Variants in ARHGAP10 observed in about 807,000 individuals in gnomAD.
ARHGAP10 encodes rho GTPase-activating protein 10.
ARHGAP10 carries 87 observed loss-of-function variants against 108.6 expected under a neutral mutation model. That is an observed-to-expected ratio of 0.80 (90% CI 0.67 to 0.96). The LOEUF is 0.96. ARHGAP10 is among the 40% of genes least tolerant of loss of function. The pLI, the probability that ARHGAP10 is intolerant of heterozygous loss-of-function variation, is 0.00. For missense variants in ARHGAP10, 939 were observed against 954.5 expected, an observed-to-expected ratio of 0.98 and a Z score of 0.21; for synonymous variants, 347 against 341.1, an observed-to-expected ratio of 1.02 and a Z score of -0.19.
intron 18 of ARHGAP10, among the ~76,000 whole-genome samples, chr4:148,008,658 G>A (rs544261364): frequency 4.3e-4 from 66 of 152,220 alleles, no homozygotes; most frequent in African/African-American, 1.5e-3. Flanking sequence ...TGGGTTGGAT[G>A]TTTTTAATCT....
chr4:147,959,481 T>TA (rs1381859384), intron 16 of ARHGAP10, among the ~76,000 whole-genome samples: 8 of 152,166 alleles, frequency 5.3e-5, no homozygotes, highest in Non-Finnish European at 4.4e-5. Flanking sequence ...ACTCGTCATT[T>TA]ACATTAGGTA....
chr4:147,911,992 C>CAT (rs777868005), intron 12 of ARHGAP10, among the ~76,000 whole-genome samples: 3,124 of 116,698 alleles, frequency 0.027, 154 homozygotes, highest in African/African-American at 0.11. Context: ...TAAGAACATT[C>CAT]ACGTGTGTGT....
Position 148,037,299 on chromosome 4 carries a change from G to A in ARHGAP10, c.1868-9593G>A, listed in dbSNP as rs1046348682. Among the ~76,000 whole-genome samples, 4 of 152,216 alleles carry A rather than the reference G, an allele frequency of 2.6e-5. No homozygotes were observed. The South Asian group carries it at 6.2e-4, about 24-fold the overall frequency. The stretch of plus-strand genomic sequence containing the variant: ...TGCTGCCCCAGTAGTTTCAAAACAA[G>A]TGGATGTTATGATGTACTTCTAAGT... On this transcript the variant is annotated intron_variant, in intron 19 of 22. Transcript: ENST00000336498.
chr4:148,002,910 C>T (rs1208142004), intron 18 of ARHGAP10, among the ~76,000 whole-genome samples: 12 of 152,076 alleles, frequency 7.9e-5, no homozygotes, highest in East Asian at 1.9e-4. Context: ...GTGTCTCTAT[C>T]TCCTTCAATT....
chr4:148,054,164 A>G (rs1313880252), intron 20 of ARHGAP10, among the ~76,000 whole-genome samples: 4 of 152,242 alleles, frequency 2.6e-5, no homozygotes, highest in African/African-American at 4.8e-5. Flanking sequence ...ATATCTAAAT[A>G]AAGTAAGGAC....
At position 147,875,021 on chromosome 4, in the gene ARHGAP10, A is replaced by C. The variant is rs1407019959; in HGVS notation, c.703A>C (p.Thr235Pro). ...KMELQINIQN[T>P]RNRFEGTRSE... ...ATGTGTGTTTTTTAATCCATTTCAG[A>C]CACGGAATCGATTTGAAGGAACAAG... Residue 235 changes from threonine (T) to proline (P), a missense_variant and splice_region_variant, in exon 8 of 23, where the codon ACA becomes CCA. Transcript: ENST00000336498. 6.3e-7 allele frequency: 1 copy of C among 1,581,290 alleles called. No individual in the cohort carries two copies. The highest frequency in any genetic ancestry group is 2.3e-5 in the East Asian group (1 of 44,268).
At chr4:147,814,409 T>C (rs575023786) in intron 1 of ARHGAP10, among the ~76,000 whole-genome samples, 1 of 152,138 alleles carries the variant, frequency 6.6e-6, no homozygotes, top group Non-Finnish European at 1.5e-5. Flanking sequence ...AAGTTTCTCA[T>C]TTGTGCCGTG....
intron 18 of ARHGAP10, among the ~76,000 whole-genome samples, chr4:147,995,900 G>A (rs1295954843): frequency 6.6e-6 from 1 of 152,080 alleles, no homozygotes; most frequent in Non-Finnish European, 1.5e-5. Context: ...TGTATTTTTA[G>A]TAGAGATGGG....
At chr4:147,804,494 T>TATGGG (rs1731703858) in intron 1 of ARHGAP10, among the ~76,000 whole-genome samples, 1 of 152,206 alleles carries the variant, frequency 6.6e-6, no homozygotes, top group South Asian at 2.1e-4. Flanking sequence ...GTAGAATGAT[T>TATGGG]TCTATTCCTC....
intron 13 of ARHGAP10, among the ~76,000 whole-genome samples, chr4:147,921,470 G>A (rs898032454): frequency 2.0e-5 from 3 of 152,074 alleles, no homozygotes; most frequent in African/African-American, 7.2e-5. Flanking sequence ...TGCCTTTCGG[G>A]GACAGAAGAT....
At position 148,048,629 on chromosome 4, in the gene ARHGAP10, T is replaced by C. The variant is rs558478861; in HGVS notation, c.2027+1578T>C. On this transcript the variant is annotated intron_variant, in intron 20 of 22. Coordinates refer to ENST00000336498, the MANE Select transcript of ARHGAP10 (RefSeq NM_024605.4). ...CACTCGAGGTGGAATTTAGCATGTGTGTATGTTTTAGTGAAAACCAGATCT... is the reference window on the plus strand; with the variant it reads ...CACTCGAGGTGGAATTTAGCATGTGCGTATGTTTTAGTGAAAACCAGATCT... Among the ~76,000 whole-genome samples the C allele has an allele frequency of 5.3e-5, 8 of 152,320 alleles. No individual in the cohort carries two copies. In the South Asian group the frequency reaches 1.4e-3, roughly 28 times the overall value.
intron 14 of ARHGAP10, among the ~76,000 whole-genome samples, chr4:147,945,901 T>C (rs1738358545): frequency 6.7e-6 from 1 of 149,512 alleles, no homozygotes; most frequent in Non-Finnish European, 1.5e-5. Context: ...ACCAGCGGGC[T>C]CCCACCTCTC....
chr4:147,899,801 T>C lies in ARHGAP10; in HGVS notation c.1035-6837T>C, dbSNP rs143420076. Among the ~76,000 whole-genome samples the C allele has an allele frequency of 1.0e-3, 154 of 152,142 alleles. 3 individuals are homozygous for C. In the East Asian group the frequency reaches 0.025, roughly 25 times the overall value. On this transcript the variant is annotated intron_variant, in intron 10 of 22. Coordinates refer to ENST00000336498, the MANE Select transcript of ARHGAP10 (RefSeq NM_024605.4). ...GAGAAACTGATTACATTTCTATAAC[T>C]TTAAAAACTTTTTTTGGCTTCAGCA...
chr4:147,743,222 A>G (rs939635183), intron 1 of ARHGAP10, among the ~76,000 whole-genome samples: 8 of 151,836 alleles, frequency 5.3e-5, no homozygotes, highest in Admixed American at 3.9e-4. Context: ...TTTAGTGGAG[A>G]TGGGGTTTCA....
At chr4:147,816,879 G>T (rs1465553486) in intron 1 of ARHGAP10, among the ~76,000 whole-genome samples, 1 of 152,092 alleles carries the variant, frequency 6.6e-6, no homozygotes, top group Admixed American at 6.6e-5. Flanking sequence ...GGCATGAAGG[G>T]TACTAAATTC....
chr4:148,025,858 A>G (rs1296496712), intron 19 of ARHGAP10, among the ~76,000 whole-genome samples: 2 of 152,066 alleles, frequency 1.3e-5, no homozygotes, highest in African/African-American at 4.8e-5. Context: ...ATGTTAATCT[A>G]GTTTGTGTTA....
intron 20 of ARHGAP10, among the ~76,000 whole-genome samples, chr4:148,059,991 AGAGGG>A (rs1176901077): frequency 1.4e-5 from 2 of 140,864 alleles, no homozygotes; most frequent in African/African-American, 2.6e-5. Flanking sequence ...AGAGAGAGAG[AGAGGG>A]GAGAGAGAGG....
intron 1 of ARHGAP10, among the ~76,000 whole-genome samples, chr4:147,752,304 G>A (rs1415618665): frequency 6.6e-6 from 1 of 151,850 alleles, no homozygotes; most frequent in African/African-American, 2.4e-5. Flanking sequence ...GCTTACTTTC[G>A]GGAAATTAAA....
intron 1 of ARHGAP10, among the ~76,000 whole-genome samples, chr4:147,732,750 G>A (rs1728272500): frequency 6.6e-6 from 1 of 152,176 alleles, no homozygotes; most frequent in South Asian, 2.1e-4. Flanking sequence ...CTCGCTGAAT[G>A]CGCGCTCCGC....
Sources: allele counts gnomAD v4.1 joint callset (sites outside exome capture counted in the v4.1 genomes callset), GRCh38; gene constraint gnomAD v4.1.1; transcripts MANE v1.5; gene names NCBI Gene and HGNC (gene_info 2026-07-23, HGNC 2026-07-21).